The following STK24 variants were observed in gnomAD, a reference collection of about 807,000 sequenced individuals.
STK24 encodes the protein serine/threonine-protein kinase 24.
In STK24, 21 loss-of-function variants were observed where a neutral mutation model predicts 55.6. The ratio of observed to expected loss-of-function variants is 0.38; its 90% CI spans 0.27 to 0.54. The LOEUF (loss-of-function observed/expected upper bound fraction) is 0.54. STK24 is among the 20% of genes least tolerant of loss of function. STK24 has a pLI of 0.79. For missense variants in STK24, 383 were observed against 538.4 expected, an observed-to-expected ratio of 0.71 and a Z score of 2.86; for synonymous variants, 200 against 215.2, an observed-to-expected ratio of 0.93 and a Z score of 0.62.
chr13:98,503,041 T>TTTTTTTTTTTTTTTTTC (rs1555306354), intron 2 of STK24, among the ~76,000 whole-genome samples: 6 of 148,716 alleles, frequency 4.0e-5, no homozygotes, highest in African/African-American at 1.5e-4. Flanking sequence ...TTTTTTTTTT[T>TTTTTTTTTTTTTTTTTC]CAGTATGGTA....
chr13:98,525,988 C>T lies in STK24; in HGVS notation c.43-6515G>A, dbSNP rs149215659. On this transcript the variant is annotated intron_variant, in intron 1 of 10. Coordinates refer to ENST00000539966, the MANE Select transcript of STK24 (RefSeq NM_001032296.4). ...GGGACCTCGGGGTTAAGAGCCACCA[C>T]GCCCGCCCGACCTGAAGGACAGGCT... 1.6e-4 allele frequency among the ~76,000 whole-genome samples: 25 copies of T among 152,322 alleles called. No homozygotes were observed. In the South Asian group the frequency reaches 1.7e-3, roughly 10 times the overall value.
intron 6 of STK24, among the ~76,000 whole-genome samples, chr13:98,465,511 AC>A (rs1893894181): frequency 1.3e-5 from 2 of 152,244 alleles, no homozygotes; most frequent in Admixed American, 6.5e-5. Flanking sequence ...GGCATGCAGG[AC>A]AAGCCCCACC....
intron 1 of STK24, among the ~76,000 whole-genome samples, chr13:98,541,270 C>T (rs1213651236): frequency 1.3e-5 from 2 of 152,166 alleles, no homozygotes; most frequent in South Asian, 4.1e-4. Flanking sequence ...GAAATAAAAA[C>T]GCTCTTCCTC....
intron 2 of STK24, among the ~76,000 whole-genome samples, chr13:98,497,150 C>G (rs566265748): frequency 6.6e-6 from 1 of 152,126 alleles, no homozygotes; most frequent in African/African-American, 2.4e-5. Flanking sequence ...CCTCCCTGCC[C>G]GCGGCACAGT....
intron 10 of STK24, chr13:98,456,107 C>G (rs1449067770): frequency 6.5e-6 from 1 of 154,058 alleles, no homozygotes; most frequent in African/African-American, 2.4e-5. Context: ...TTTCTAGCAA[C>G]TTAAAAAGTT....
chr13:98,531,199 T>C (rs567698136), intron 1 of STK24, among the ~76,000 whole-genome samples: 4 of 152,332 alleles, frequency 2.6e-5, no homozygotes, highest in South Asian at 2.1e-4. Flanking sequence ...TCTTTCATTC[T>C]AATAAGTTTA....
In STK24 at chr13:98,446,060, T is replaced by C. The variant is rs773111586; in HGVS notation, c.*7113A>G. On this transcript the variant is annotated 3_prime_UTR_variant, in exon 11 of 11. Coordinates refer to ENST00000539966, the MANE Select transcript of STK24 (RefSeq NM_001032296.4). ...GCTCTCTGTGCCCTCCTGGGGCAGG[T>C]GCCCGCTGTGCTTCTCACAGGCCTC... 1 of 1,405,764 alleles carries C rather than the reference T, an allele frequency of 7.1e-7. No individual in the cohort carries two copies. The highest frequency in any genetic ancestry group is 1.2e-5 in the South Asian group (1 of 86,082). 87.1% of individuals were successfully genotyped at this position (1,405,764 alleles called of 1,614,324 possible). A position where few individuals can be genotyped will look rare whatever the true frequency, so the allele number is the denominator to read the frequency against.
intron 2 of STK24, among the ~76,000 whole-genome samples, chr13:98,486,023 G>T (rs1053327761): frequency 6.6e-6 from 1 of 152,134 alleles, no homozygotes; most frequent in East Asian, 1.9e-4. Context: ...ACATGGACTC[G>T]GGGAGGGGAA....
At chr13:98,479,551 T>TA (rs1469190840) in intron 3 of STK24, among the ~76,000 whole-genome samples, 1 of 152,188 alleles carries the variant, frequency 6.6e-6, no homozygotes, top group African/African-American at 2.4e-5. Flanking sequence ...CTTCAAGTCC[T>TA]AAAGCCTCTC....
rs1892850277 is a variant in STK24, at chr13:98,446,599, G to A, written c.*6574C>T. The A allele has an allele frequency of 1.3e-6, 2 of 1,546,474 alleles. No individual in the cohort carries two copies. The highest frequency in any genetic ancestry group is 1.8e-6 in the Non-Finnish European group (2 of 1,126,234). ...CTCCCAAGTCCCTGTCTGATGCGGG[G>A]CAGCAGCCAGGCCCAGCAGCAGAAG... On this transcript the variant is annotated 3_prime_UTR_variant, in exon 11 of 11. Coordinates refer to ENST00000539966, the MANE Select transcript of STK24 (RefSeq NM_001032296.4).
intron 1 of STK24, among the ~76,000 whole-genome samples, chr13:98,572,960 C>T (rs1181219077): frequency 6.6e-6 from 1 of 152,184 alleles, no homozygotes; most frequent in Non-Finnish European, 1.5e-5. Context: ...ATCACAAGCA[C>T]AGGCTGAGCA....
intron 10 of STK24, 65 bp downstream of exon 10, chr13:98,457,101 ATC>A (rs1893493264): frequency 6.4e-7 from 1 of 1,566,626 alleles, no homozygotes; most frequent in Admixed American, 1.8e-5. Flanking sequence ...TACCAAACTC[ATC>A]AACTAAGTCC....
At chr13:98,574,604 A>C (rs1897832437) in intron 1 of STK24, among the ~76,000 whole-genome samples, 1 of 152,242 alleles carries the variant, frequency 6.6e-6, no homozygotes, top group African/African-American at 2.4e-5. Flanking sequence ...CAGTCTGTAG[A>C]TGTACTTAGG....
intron 2 of STK24, among the ~76,000 whole-genome samples, chr13:98,506,596 A>C (rs1376821283): frequency 6.6e-6 from 1 of 152,166 alleles, no homozygotes; most frequent in Non-Finnish European, 1.5e-5. Context: ...CACACAGTGC[A>C]ATTTCCCACT....
At chr13:98,492,845 A>C (rs1301094350) in intron 2 of STK24, among the ~76,000 whole-genome samples, 2 of 152,216 alleles carry the variant, frequency 1.3e-5, no homozygotes, top group Admixed American at 6.5e-5. Flanking sequence ...TGCACATGGC[A>C]AGGAAGGAGA....
intron 6 of STK24, 152 bp from the exon 7 acceptor site, chr13:98,463,988 A>C: frequency 1.1e-6 from 1 of 879,218 alleles, no homozygotes; most frequent in Non-Finnish European, 1.7e-6. Flanking sequence ...ACTCACCCAA[A>C]GACGAGTCGC....
intron 1 of STK24, among the ~76,000 whole-genome samples, chr13:98,551,227 A>G (rs1168432752): frequency 6.6e-6 from 1 of 151,358 alleles, no homozygotes; most frequent in Admixed American, 6.6e-5. Context: ...CGGAGCTTGC[A>G]GTGAGCCGAG....
At chr13:98,556,044 A>T (rs1897281538) in intron 1 of STK24, among the ~76,000 whole-genome samples, 2 of 152,056 alleles carry the variant, frequency 1.3e-5, no homozygotes, top group Admixed American at 6.5e-5. Context: ...ATCAGCATAT[A>T]CCTGACGAAA....
At chr13:98,506,445 G>A (rs989976575) in intron 2 of STK24, among the ~76,000 whole-genome samples, 2 of 152,216 alleles carry the variant, frequency 1.3e-5, no homozygotes, top group African/African-American at 4.8e-5. Context: ...CAGTGCTAAC[G>A]AAGGAAGGTG....
Sources: allele counts gnomAD v4.1 joint callset (sites outside exome capture counted in the v4.1 genomes callset), GRCh38; gene constraint gnomAD v4.1.1; transcripts MANE v1.5; gene names NCBI Gene and HGNC (gene_info 2026-07-23, HGNC 2026-07-21).